The following FOXE3 variants were observed in gnomAD, a reference collection of about 807,000 sequenced individuals.
The protein encoded by FOXE3 is forkhead box protein E3.
For missense variants in FOXE3, 520 were observed against 507.8 expected (o/e 1.02, Z -0.23); for synonymous variants, 274 against 258.3 (o/e 1.06, Z -0.58).
Position 47,417,103 on chromosome 1 carries a change from C to A in FOXE3, c.788C>A (p.Ser263Ter). The change falls in exon 1 of 1, where the codon TCG becomes TAG. Residue 263 changes from serine to a stop codon, truncating the protein, a stop_gained. Transcript: ENST00000335071. LOFTEE classifies it low-confidence loss of function (END_TRUNC). The surrounding 1 kb of genome is among the most constrained non-coding windows in gnomAD (Gnocchi z 4.3). ...CAAAASPPLY[S>*]QVPDRLVLPA... ...GCCGCCGCCTCCCCGCCACTCTACT[C>A]GCAGGTCCCCGACCGCCTGGTACTG... 1.4e-6 allele frequency: 2 copies of A among 1,395,146 alleles called. No homozygotes were observed. Among genetic ancestry groups the A allele is most frequent in the Non-Finnish European group, 1.9e-6 (2 of 1,072,810 alleles). 86.4% of individuals were successfully genotyped at this position (1,395,146 alleles called of 1,614,324 possible).
rs1646883964 is a variant in FOXE3 at position 47,416,576 on chromosome 1, C to T, written c.261C>T (p.Ala87=). The part of the protein sequence containing the change: ...IALIAMALAH[A]PGRRLTLAAI... ...TCATCGCCATGGCTCTGGCGCACGC[C>T]CCGGGCCGCCGCCTCACGCTGGCCG... The change falls in exon 1 of 1, where the codon GCC becomes GCT. Residue 87 remains alanine (A), a synonymous_variant. Coordinates refer to ENST00000335071, the MANE Select transcript of FOXE3 (RefSeq NM_012186.3). This position sits in a 1 kb window ranked among gnomAD's most constrained non-coding sequence, Gnocchi z 4.2. 2 of 1,605,724 alleles carry T rather than the reference C, an allele frequency of 1.2e-6. No individual in the cohort carries two copies. Among genetic ancestry groups the T allele is most frequent in the African/African-American group, 1.3e-5 (1 of 74,340 alleles).
Position 47,417,226 on chromosome 1 carries a change from C to A in FOXE3, c.911C>A (p.Ala304Asp). 7.4e-7 allele frequency: 1 copy of A among 1,358,492 alleles called. No individual in the cohort carries two copies. The highest frequency in any genetic ancestry group is 1.8e-5 in the South Asian group (1 of 55,050). 84.2% of individuals were successfully genotyped at this position (1,358,492 alleles called of 1,614,324 possible). ...AALGPLSPGEAYLRQPGFASG... is the reference protein window; with the variant it reads ...AALGPLSPGEDYLRQPGFASG... ...CTCGGCCCGCTCAGCCCTGGGGAGG[C>A]CTACCTGAGGCAGCCGGGCTTCGCG... The change falls in exon 1 of 1, where the codon GCC (alanine) becomes GAC (aspartate). Residue 304 changes from alanine to aspartate, a missense_variant. Coordinates refer to ENST00000335071, the MANE Select transcript of FOXE3 (RefSeq NM_012186.3). This position sits in a 1 kb window ranked among gnomAD's most constrained non-coding sequence, Gnocchi z 4.3.
In FOXE3 at chr1:47,416,468, G is replaced by C; in HGVS notation, c.153G>C (p.Ala51=). 1 of 1,135,050 alleles carries C rather than the reference G, an allele frequency of 8.8e-7. No individual in the cohort carries two copies. Among genetic ancestry groups the C allele is most frequent in the Non-Finnish European group, 1.1e-6 (1 of 925,276 alleles). The allele number at this position is 1,135,050 out of a possible 1,614,324, so 70.3% of individuals were successfully genotyped here. ...PEEAAAGRGE[A]APTPAPGPGR... is the part of the protein sequence containing the mutation. ...AGGCGGCGGCTGGCCGCGGAGAGGC[G>C]GCCCCCACGCCCGCGCCCGGCCCGG... The change falls in exon 1 of 1, where the codon GCG becomes GCC. Residue 51 remains alanine, a synonymous_variant. Transcript: ENST00000335071. The surrounding 1 kb of genome is among the most constrained non-coding windows in gnomAD (Gnocchi z 4.2).
Position 47,416,986 on chromosome 1 carries a change from A to C in FOXE3, c.671A>C (p.Asn224Thr). ...ARLFSVDSLVNLQPELAGLGA... is the reference protein window; with the variant it reads ...ARLFSVDSLVTLQPELAGLGA... ...CTGTTCAGCGTCGACAGCCTGGTGA[A>C]CCTGCAGCCGGAGCTAGCGGGGCTG... The change falls in exon 1 of 1, where the codon AAC becomes ACC. Residue 224 changes from asparagine to threonine, a missense_variant. By Grantham distance (65) the Asn-to-Thr change is moderately conservative. Coordinates refer to ENST00000335071, the MANE Select transcript of FOXE3 (RefSeq NM_012186.3). The surrounding 1 kb of genome is among the most constrained non-coding windows in gnomAD (Gnocchi z 4.2). The C allele has an allele frequency of 7.4e-7, 1 of 1,352,014 alleles. No homozygotes were observed. The highest frequency in any genetic ancestry group is 9.6e-7 in the Non-Finnish European group (1 of 1,045,204). 83.8% of individuals were successfully genotyped at this position (1,352,014 alleles called of 1,614,324 possible).
Position 47,417,064 on chromosome 1 carries a change from T to C in FOXE3, c.749T>C (p.Phe250Ser). Residue 250 changes from phenylalanine (F) to serine (S), a missense_variant, in exon 1 of 1, where the codon TTC becomes TCC. Phe to Ser is a radical substitution (Grantham distance 155). Coordinates refer to ENST00000335071, the MANE Select transcript of FOXE3 (RefSeq NM_012186.3). This position sits in a 1 kb window ranked among gnomAD's most constrained non-coding sequence, Gnocchi z 4.3. ...GCGCCCGACGCCGCAGCCGCAGCCT[T>C]CCCGCCCTGCGCTGCCGCCGCCTCC... ...CAAPDAAAAA[F>S]PPCAAAASPP... 1 of 1,355,818 alleles carries C rather than the reference T, an allele frequency of 7.4e-7. No individual in the cohort carries two copies. Among genetic ancestry groups the C allele is most frequent in the Non-Finnish European group, 9.5e-7 (1 of 1,051,470 alleles). The allele number at this position is 1,355,818 out of a possible 1,614,324, so 84.0% of individuals were successfully genotyped here.
Position 47,416,291 on chromosome 1 carries a change from G to A in FOXE3, c.-25G>A, listed in dbSNP as rs958199080. ...CGGCGGCCCCTGCGGTCCCGGAGCC[G>A]CGCGGGCAGGGGCTGCCGCAGCCGA... is the stretch of plus-strand genomic sequence containing the variant. On this transcript the variant is annotated 5_prime_UTR_variant, in exon 1 of 1. Transcript: ENST00000335071. This position sits in a 1 kb window ranked among gnomAD's most constrained non-coding sequence, Gnocchi z 4.2. 4 of 1,273,652 alleles carry A rather than the reference G, an allele frequency of 3.1e-6. No homozygotes were observed. The highest frequency in any genetic ancestry group is 2.4e-5 in the South Asian group (1 of 41,866). 78.9% of individuals were successfully genotyped at this position (1,273,652 alleles called of 1,614,324 possible).
Position 47,416,594 on chromosome 1 carries a change from G to C in FOXE3, c.279G>C (p.Thr93=). 1 of 1,597,266 alleles carries C rather than the reference G, an allele frequency of 6.3e-7. No individual in the cohort carries two copies. Among genetic ancestry groups the C allele is most frequent in the Non-Finnish European group, 8.5e-7 (1 of 1,170,806 alleles). The change falls in exon 1 of 1, where the codon ACG becomes ACC. Residue 93 remains threonine (T), a synonymous_variant. Transcript: ENST00000335071. The surrounding 1 kb of genome is among the most constrained non-coding windows in gnomAD (Gnocchi z 4.2). ...CGCACGCCCCGGGCCGCCGCCTCAC[G>C]CTGGCCGCCATCTACCGCTTCATCA... ...ALAHAPGRRL[T]LAAIYRFITE... is the part of the protein sequence containing the mutation.
rs1237655735 is a variant in FOXE3, at chr1:47,416,712, C to T, written c.397C>T (p.Pro133Ser). 6.2e-7 allele frequency: 1 copy of T among 1,608,858 alleles called. No individual in the cohort carries two copies. The highest frequency in any genetic ancestry group is 1.3e-5 in the African/African-American group (1 of 74,634). Reference sequence around the variant, plus strand: ...GCTCAACGACTGCTTCGTCAAGGTGCCCCGCGAGCCGGGCAACCCGGGCAA... The same window carrying T: ...GCTCAACGACTGCTTCGTCAAGGTGTCCCGCGAGCCGGGCAACCCGGGCAA... ...LTLNDCFVKV[P>S]REPGNPGKGN... Residue 133 changes from proline to serine, a missense_variant, in exon 1 of 1, where the codon CCC becomes TCC. Coordinates refer to ENST00000335071, the MANE Select transcript of FOXE3 (RefSeq NM_012186.3). This position sits in a 1 kb window ranked among gnomAD's most constrained non-coding sequence, Gnocchi z 4.2.
chr1:47,417,436 C>A lies in FOXE3; in HGVS notation c.*161C>A. ...ACTCCTGCTACATCCTTCTCCGTCC[C>A]CCATCCCTGGGGAGGCTCCCACCAT... On this transcript the variant is annotated 3_prime_UTR_variant, in exon 1 of 1. Coordinates refer to ENST00000335071, the MANE Select transcript of FOXE3 (RefSeq NM_012186.3). This position sits in a 1 kb window ranked among gnomAD's most constrained non-coding sequence, Gnocchi z 4.3. The A allele has an allele frequency of 3.9e-6, 2 of 508,286 alleles. No homozygotes were observed. Among genetic ancestry groups the A allele is most frequent in the East Asian group, 3.7e-5 (1 of 26,678 alleles). The allele number at this position is 508,286 out of a possible 1,614,324, so 31.5% of individuals were successfully genotyped here.
At position 47,416,555 on chromosome 1, in the gene FOXE3, C is replaced by T. The variant is rs146608794; in HGVS notation, c.240C>T (p.Ile80=). The T allele has an allele frequency of 1.6e-4, 250 of 1,588,852 alleles. No individual in the cohort carries two copies. The highest frequency in any genetic ancestry group is 1.9e-4 in the Non-Finnish European group (227 of 1,166,970). Residue 80 remains isoleucine (I), a synonymous_variant, in exon 1 of 1, where the codon ATC becomes ATT. Coordinates refer to ENST00000335071, the MANE Select transcript of FOXE3 (RefSeq NM_012186.3). This position sits in a 1 kb window ranked among gnomAD's most constrained non-coding sequence, Gnocchi z 4.2. ...GKPPYSYIAL[I]AMALAHAPGR... is the part of the protein sequence containing the mutation. ...CGCCCTACTCGTACATCGCGCTCAT[C>T]GCCATGGCTCTGGCGCACGCCCCGG... is the stretch of plus-strand genomic sequence containing the variant.
In FOXE3 at chr1:47,417,138, C is replaced by G. The variant is rs1368741715; in HGVS notation, c.823C>G (p.Arg275Gly). The change falls in exon 1 of 1, where the codon CGC becomes GGC. Residue 275 changes from arginine (R) to glycine (G), a missense_variant. By Grantham distance (125) the Arg-to-Gly change is moderately radical. Transcript: ENST00000335071. The surrounding 1 kb of genome is among the most constrained non-coding windows in gnomAD (Gnocchi z 4.3). ...VPDRLVLPAT[R>G]PGPGPLPAEP... is the part of the protein sequence containing the mutation. The stretch of plus-strand genomic sequence containing the variant: ...CGACCGCCTGGTACTGCCCGCGACG[C>G]GCCCCGGCCCCGGCCCGCTGCCCGC... 1 of 1,403,620 alleles carries G rather than the reference C, an allele frequency of 7.1e-7. No homozygotes were observed. Among genetic ancestry groups the G allele is most frequent in the Non-Finnish European group, 9.2e-7 (1 of 1,081,338 alleles). The allele number at this position is 1,403,620 out of a possible 1,614,324, so 86.9% of individuals were successfully genotyped here. A position where few individuals can be genotyped will look rare whatever the true frequency, so the allele number is the denominator to read the frequency against.
chr1:47,416,906 C>T lies in FOXE3; in HGVS notation c.591C>T (p.Pro197=), dbSNP rs1414258883. 1 of 1,317,828 alleles carries T rather than the reference C, an allele frequency of 7.6e-7. No individual in the cohort carries two copies. Among genetic ancestry groups the T allele is most frequent in the African/African-American group, 1.6e-5 (1 of 63,206 alleles). The allele number at this position is 1,317,828 out of a possible 1,614,324, so 81.6% of individuals were successfully genotyped here. The part of the protein sequence containing the change: ...PYAPYAPAPG[P]ALLVPPPSAG... Reference sequence around the variant, plus strand: ...CGCCCTACGCGCCCGCGCCCGGCCCCGCGCTGCTGGTGCCGCCGCCTTCTG... The same window carrying T: ...CGCCCTACGCGCCCGCGCCCGGCCCTGCGCTGCTGGTGCCGCCGCCTTCTG... Residue 197 remains proline, a synonymous_variant, in exon 1 of 1, where the codon CCC becomes CCT. Transcript: ENST00000335071. The surrounding 1 kb of genome is among the most constrained non-coding windows in gnomAD (Gnocchi z 4.2).
Position 47,417,138 on chromosome 1 carries a change from CGCCCCG to C in FOXE3, c.834_839del (p.Gly279_Pro280del). 3.6e-6 allele frequency: 5 copies of C among 1,403,586 alleles called. No homozygotes were observed. The highest frequency in any genetic ancestry group is 1.8e-6 in the Non-Finnish European group (2 of 1,081,324). 86.9% of individuals were successfully genotyped at this position (1,403,586 alleles called of 1,614,324 possible). A position where few individuals can be genotyped will look rare whatever the true frequency, so the allele number is the denominator to read the frequency against. On this transcript the variant is annotated inframe_deletion, in exon 1 of 1. Coordinates refer to ENST00000335071, the MANE Select transcript of FOXE3 (RefSeq NM_012186.3). The surrounding 1 kb of genome is among the most constrained non-coding windows in gnomAD (Gnocchi z 4.3). The stretch of plus-strand genomic sequence containing the variant: ...CGACCGCCTGGTACTGCCCGCGACG[CGCCCCG>C]GCCCCGGCCCGCTGCCCGCTGAGCC...
At position 47,416,901 on chromosome 1, in the gene FOXE3, G is replaced by C. The variant is rs1169855319; in HGVS notation, c.586G>C (p.Gly196Arg). The change falls in exon 1 of 1, where the codon GGC (glycine) becomes CGC (arginine). Residue 196 changes from glycine (G) to arginine (R), a missense_variant. Coordinates refer to ENST00000335071, the MANE Select transcript of FOXE3 (RefSeq NM_012186.3). This position sits in a 1 kb window ranked among gnomAD's most constrained non-coding sequence, Gnocchi z 4.2. ...CTACGCGCCCTACGCGCCCGCGCCC[G>C]GCCCCGCGCTGCTGGTGCCGCCGCC... ...FPYAPYAPAP[G>R]PALLVPPPSA... The C allele has an allele frequency of 4.6e-6, 6 of 1,299,382 alleles. No individual in the cohort carries two copies. Among genetic ancestry groups the C allele is most frequent in the African/African-American group, 1.6e-5 (1 of 62,850 alleles). The allele number at this position is 1,299,382 out of a possible 1,614,324, so 80.5% of individuals were successfully genotyped here. A position where few individuals can be genotyped will look rare whatever the true frequency, so the allele number is the denominator to read the frequency against.
Position 47,417,342 on chromosome 1 carries a change from C to A in FOXE3, c.*67C>A. On this transcript the variant is annotated 3_prime_UTR_variant, in exon 1 of 1. Transcript: ENST00000335071. The surrounding 1 kb of genome is among the most constrained non-coding windows in gnomAD (Gnocchi z 4.3). ...GGACCTGCGGCGCCGCCCTCGAGCG[C>A]CCCATCTCTACCCCCCACCCTGGCT... is the stretch of plus-strand genomic sequence containing the variant. The A allele has an allele frequency of 8.0e-7, 1 of 1,252,174 alleles. No homozygotes were observed. Among genetic ancestry groups the A allele is most frequent in the Non-Finnish European group, 1.0e-6 (1 of 983,336 alleles). 77.6% of individuals were successfully genotyped at this position (1,252,174 alleles called of 1,614,324 possible). A position where few individuals can be genotyped will look rare whatever the true frequency, so the allele number is the denominator to read the frequency against.
rs1646883079 is a variant in FOXE3, at chr1:47,416,462, A to T, written c.147A>T (p.Gly49=). ...REPEEAAAGR[G]EAAPTPAPGP... ...CAGAGGAGGCGGCGGCTGGCCGCGG[A>T]GAGGCGGCCCCCACGCCCGCGCCCG... The change falls in exon 1 of 1, where the codon GGA becomes GGT. Residue 49 remains glycine (G), a synonymous_variant. Coordinates refer to ENST00000335071, the MANE Select transcript of FOXE3 (RefSeq NM_012186.3). This position sits in a 1 kb window ranked among gnomAD's most constrained non-coding sequence, Gnocchi z 4.2. 3 of 1,118,098 alleles carry T rather than the reference A, an allele frequency of 2.7e-6. No individual in the cohort carries two copies. Among genetic ancestry groups the T allele is most frequent in the Non-Finnish European group, 3.3e-6 (3 of 913,812 alleles). 69.3% of individuals were successfully genotyped at this position (1,118,098 alleles called of 1,614,324 possible). A position where few individuals can be genotyped will look rare whatever the true frequency, so the allele number is the denominator to read the frequency against.
chr1:47,416,580 G>C lies in FOXE3; in HGVS notation c.265G>C (p.Gly89Arg). 1 of 1,605,044 alleles carries C rather than the reference G, an allele frequency of 6.2e-7. No homozygotes were observed. Among genetic ancestry groups the C allele is most frequent in the Non-Finnish European group, 8.5e-7 (1 of 1,175,570 alleles). Residue 89 changes from glycine to arginine, a missense_variant, in exon 1 of 1, where the codon GGC becomes CGC. Gly to Arg is a moderately radical substitution (Grantham distance 125). Coordinates refer to ENST00000335071, the MANE Select transcript of FOXE3 (RefSeq NM_012186.3). The surrounding 1 kb of genome is among the most constrained non-coding windows in gnomAD (Gnocchi z 4.2). ...LIAMALAHAP[G>R]RRLTLAAIYR... ...CGCCATGGCTCTGGCGCACGCCCCG[G>C]GCCGCCGCCTCACGCTGGCCGCCAT...
rs1272637961 is a variant in FOXE3, at chr1:47,417,212, C to T, written c.897C>T (p.Leu299=). 4.4e-6 allele frequency: 6 copies of T among 1,364,688 alleles called. No individual in the cohort carries two copies. The highest frequency in any genetic ancestry group is 5.6e-6 in the Non-Finnish European group (6 of 1,068,444). The allele number at this position is 1,364,688 out of a possible 1,614,324, so 84.5% of individuals were successfully genotyped here. A position where few individuals can be genotyped will look rare whatever the true frequency, so the allele number is the denominator to read the frequency against. The change falls in exon 1 of 1, where the codon CTC becomes CTT. Residue 299 remains leucine, a synonymous_variant. Coordinates refer to ENST00000335071, the MANE Select transcript of FOXE3 (RefSeq NM_012186.3). This position sits in a 1 kb window ranked among gnomAD's most constrained non-coding sequence, Gnocchi z 4.3. ...GGCCGGCAGCCGCTCTCGGCCCGCTCAGCCCTGGGGAGGCCTACCTGAGGC... is the reference window on the plus strand; with the variant it reads ...GGCCGGCAGCCGCTCTCGGCCCGCTTAGCCCTGGGGAGGCCTACCTGAGGC... ...LAGPAAALGP[L]SPGEAYLRQP...
chr1:47,416,849 G>T lies in FOXE3; in HGVS notation c.534G>T (p.Ala178=). 7.0e-7 allele frequency: 1 copy of T among 1,427,584 alleles called. No individual in the cohort carries two copies. Among genetic ancestry groups the T allele is most frequent in the Non-Finnish European group, 9.2e-7 (1 of 1,090,110 alleles). The allele number at this position is 1,427,584 out of a possible 1,614,324, so 88.4% of individuals were successfully genotyped here. ...KRAELPAHAA[A]APGPPLPFPY... ...CCGAGCTGCCCGCGCACGCGGCCGC[G>T]GCGCCAGGGCCGCCGCTCCCCTTCC... The change falls in exon 1 of 1, where the codon GCG becomes GCT. Residue 178 remains alanine (A), a synonymous_variant. Transcript: ENST00000335071. This position sits in a 1 kb window ranked among gnomAD's most constrained non-coding sequence, Gnocchi z 4.2.
Sources: gnomAD v4.1 joint callset for allele counts on GRCh38, gnomAD v4.1.1 for gene constraint, Gnocchi (gnomAD v3.1) non-coding constraint, MANE v1.5 for transcripts, NCBI Gene and HGNC (gene_info 2026-07-23, HGNC 2026-07-21) for gene names.